Variants in AFG1L observed in about 807,000 individuals in gnomAD.
The protein encoded by AFG1L is AFG1-like ATPase.
AFG1L carries 53 observed loss-of-function variants against 62.2 expected under a neutral mutation model. The observed-to-expected ratio is 0.85, with a 90% CI of 0.68 to 1.07. The LOEUF (loss-of-function observed/expected upper bound fraction) is 1.07, where lower values mean the gene tolerates loss of function less well. Ranked by LOEUF, AFG1L falls within the 50% of genes least tolerant of loss-of-function variation. The probability of loss-of-function intolerance (pLI) is 0.00; values close to 1 mark genes in which losing one functional copy is unlikely to be tolerated. For synonymous variants in AFG1L, 228 were observed against 210.3 expected, an observed-to-expected ratio of 1.08 and a Z score of -0.73; for missense variants, 555 against 590.5, an observed-to-expected ratio of 0.94 and a Z score of 0.62.
intron 5 of AFG1L, among the ~76,000 whole-genome samples, chr6:108,358,730 C>G (rs1238242470): frequency 6.6e-6 from 1 of 152,122 alleles, no homozygotes; most frequent in Non-Finnish European, 1.5e-5. Flanking sequence ...GACGGGGTTT[C>G]ACCACGTTGG....
chr6:108,316,658 G>A (rs188666277), intron 1 of AFG1L, among the ~76,000 whole-genome samples: 1 of 149,476 alleles, frequency 6.7e-6, no homozygotes, highest in East Asian at 2.0e-4. Flanking sequence ...CTCAGCCTCC[G>A]AGTAGCTGGG....
At chr6:108,375,906 G>A (rs1292540047) in intron 6 of AFG1L, among the ~76,000 whole-genome samples, 2 of 152,054 alleles carry the variant, frequency 1.3e-5, no homozygotes, top group Non-Finnish European at 2.9e-5. Context: ...TTCTTTGTAT[G>A]TCTGGTAGAA....
intron 6 of AFG1L, among the ~76,000 whole-genome samples, chr6:108,393,747 T>C (rs1392923266): frequency 6.6e-6 from 1 of 152,200 alleles, no homozygotes; most frequent in East Asian, 1.9e-4. Flanking sequence ...CTTTCATTAG[T>C]GTAGTATCTT....
At chr6:108,427,098 A>T (rs1232818686) in intron 7 of AFG1L, among the ~76,000 whole-genome samples, 2 of 151,816 alleles carry the variant, frequency 1.3e-5, no homozygotes, top group Admixed American at 1.3e-4. Context: ...TAATTTTTTA[A>T]TTTTTATTTA....
At chr6:108,517,724 G>A (rs2114914670) in intron 11 of AFG1L, among the ~76,000 whole-genome samples, 1 of 152,230 alleles carries the variant, frequency 6.6e-6, no homozygotes, top group Non-Finnish European at 1.5e-5. Context: ...GCAGCCTACA[G>A]AATGGGAGAA....
At chr6:108,356,901 A>G (rs1486695777) in intron 5 of AFG1L, 81 bp downstream of exon 5, 3 of 1,205,636 alleles carry the variant, frequency 2.5e-6, no homozygotes, top group African/African-American at 1.5e-5. Flanking sequence ...TGATTTTATC[A>G]TTGGTTTATA....
At chr6:108,369,278 A>T (rs566395281) in intron 6 of AFG1L, among the ~76,000 whole-genome samples, 2 of 152,168 alleles carry the variant, frequency 1.3e-5, no homozygotes, top group Non-Finnish European at 2.9e-5. Flanking sequence ...CTGCATCCAG[A>T]TTGTAGTGGT....
intron 6 of AFG1L, among the ~76,000 whole-genome samples, chr6:108,393,425 G>T (rs1240899205): frequency 6.6e-6 from 1 of 151,960 alleles, no homozygotes; most frequent in African/African-American, 2.4e-5. Context: ...TTAGAATTCT[G>T]TTTAGAATAC....
intron 10 of AFG1L, among the ~76,000 whole-genome samples, chr6:108,508,066 ATTAC>A (rs746085266): frequency 3.3e-5 from 5 of 152,194 alleles, no homozygotes; most frequent in Non-Finnish European, 7.3e-5. Context: ...CTTTGCATAT[ATTAC>A]TTTGTTTAAT....
intron 2 of AFG1L, chr6:108,344,771 A>C (rs753678308): frequency 1.5e-5 from 7 of 470,980 alleles, no homozygotes; most frequent in Admixed American, 1.2e-4. Context: ...TGTTTTTTGC[A>C]CAGGTGTTAG....
chr6:108,437,836 G>T (rs574413584), intron 7 of AFG1L, among the ~76,000 whole-genome samples: 1 of 152,268 alleles, frequency 6.6e-6, no homozygotes, highest in African/African-American at 2.4e-5. Flanking sequence ...ATGATCCTGT[G>T]GCTACCGTTG....
At chr6:108,390,055 T>A (rs1367762926) in intron 6 of AFG1L, among the ~76,000 whole-genome samples, 1 of 152,200 alleles carries the variant, frequency 6.6e-6, no homozygotes, top group Non-Finnish European at 1.5e-5. Context: ...AGTCCCATAT[T>A]TCTTGGAGGC....
chr6:108,337,521 G>T (rs1314602242), intron 2 of AFG1L, among the ~76,000 whole-genome samples: 1 of 152,144 alleles, frequency 6.6e-6, no homozygotes, highest in East Asian at 1.9e-4. Context: ...CACAGTACAT[G>T]CCCATAAATG....
chr6:108,411,525 C>G (rs566945658), intron 7 of AFG1L, among the ~76,000 whole-genome samples: 1 of 152,288 alleles, frequency 6.6e-6, no homozygotes, highest in African/African-American at 2.4e-5. Flanking sequence ...CGACTGACAC[C>G]TCATACAGCT....
In AFG1L at chr6:108,522,505, A is replaced by C; in HGVS notation, c.*80A>C. ...CCTTATTGTGGGACTTGAAGGAATC[A>C]TTTTCTCATCATTAATTATGCACTT... On this transcript the variant is annotated 3_prime_UTR_variant, in exon 13 of 13. Coordinates refer to ENST00000368977, the MANE Select transcript of AFG1L (RefSeq NM_145315.5). The C allele has an allele frequency of 6.9e-7, 1 of 1,457,192 alleles. No individual in the cohort carries two copies. Among genetic ancestry groups the C allele is most frequent in the South Asian group, 1.3e-5 (1 of 75,958 alleles). The allele number at this position is 1,457,192 out of a possible 1,614,324, so 90.3% of individuals were successfully genotyped here.
At chr6:108,513,311 G>A (rs1009494936) in intron 11 of AFG1L, among the ~76,000 whole-genome samples, 4 of 152,324 alleles carry the variant, frequency 2.6e-5, no homozygotes, top group African/African-American at 4.8e-5. Context: ...GAAGCAGGGC[G>A]AGGCATCGCC....
chr6:108,300,724 G>C (rs1431374645), intron 1 of AFG1L, among the ~76,000 whole-genome samples: 1 of 150,460 alleles, frequency 6.6e-6, no homozygotes, highest in African/African-American at 2.5e-5. Context: ...CCAGGCTGGA[G>C]TGCAGTGGAG....
At position 108,356,729 on chromosome 6, in the gene AFG1L, C is replaced by T; in HGVS notation, c.557C>T (p.Pro186Leu). 1.9e-6 allele frequency: 3 copies of T among 1,612,174 alleles called. No individual in the cohort carries two copies. Among genetic ancestry groups the T allele is most frequent in the Non-Finnish European group, 2.5e-6 (3 of 1,179,152 alleles). The part of the protein sequence containing the change: ...RLKQSLPKRK[P>L]GFMAKSYDPI... ...AAACAGAGTTTGCCAAAAAGGAAAC[C>T]AGGATTCATGGCTAAATCATATGAC... is the stretch of plus-strand genomic sequence containing the variant. The change falls in exon 5 of 13, where the codon CCA becomes CTA. Residue 186 changes from proline (P) to leucine (L), a missense_variant. Transcript: ENST00000368977.
intron 2 of AFG1L, among the ~76,000 whole-genome samples, chr6:108,329,109 T>C (rs1259386569): frequency 7.0e-6 from 1 of 141,946 alleles, no homozygotes; most frequent in Non-Finnish European, 1.5e-5. Context: ...CCTTCCTATC[T>C]TCCCTCCTTC....
Sources: allele counts gnomAD v4.1 joint callset (sites outside exome capture counted in the v4.1 genomes callset), GRCh38; gene constraint gnomAD v4.1.1; transcripts MANE v1.5; gene names NCBI Gene and HGNC (gene_info 2026-07-23, HGNC 2026-07-21).